Variants in CTNNA2 observed in about 807,000 individuals in gnomAD.
CTNNA2 encodes catenin alpha 2.
CTNNA2 carries 42 observed loss-of-function variants against 101.0 expected under a neutral mutation model. The observed-to-expected ratio is 0.42, with a 90% CI of 0.32 to 0.54. The LOEUF (loss-of-function observed/expected upper bound fraction) is 0.54. Ranked by LOEUF, CTNNA2 falls within the 20% of genes least tolerant of loss-of-function variation. The pLI is 0.14. For missense variants in CTNNA2, 871 were observed against 1,223.1 expected (o/e 0.71, Z 4.29); for synonymous variants, 450 against 456.4 (o/e 0.99, Z 0.18).
chr2:79,983,502 A>G (rs528440833), intron 7 of CTNNA2, among the ~76,000 whole-genome samples: 1 of 152,242 alleles, frequency 6.6e-6, no homozygotes, highest in Admixed American at 6.5e-5. Flanking sequence ...AGAACTTGGT[A>G]ATTAGAAGGA....
chr2:80,078,975 C>T (rs77426830), intron 7 of CTNNA2, among the ~76,000 whole-genome samples: 1 of 152,218 alleles, frequency 6.6e-6, no homozygotes, highest in African/African-American at 2.4e-5. Context: ...GTGATTTCCT[C>T]ATTGATGCAA....
In CTNNA2 at chr2:80,614,798, G is replaced by A. The variant is rs1698719104; in HGVS notation, c.2431-4287G>A. On this transcript the variant is annotated intron_variant, in intron 17 of 18. Transcript: ENST00000402739. ...GATCTGTAAGAGCAAATCCAAATACGTTCAATGTAATGTTTCCTTACATTG... is the reference window on the plus strand; with the variant it reads ...GATCTGTAAGAGCAAATCCAAATACATTCAATGTAATGTTTCCTTACATTG... 3.3e-5 allele frequency among the ~76,000 whole-genome samples: 5 copies of A among 151,428 alleles called. No homozygotes were observed. The South Asian group carries it at 8.3e-4, about 25-fold the overall frequency.
At chr2:79,338,575 A>ATATTCTTCTTCT (rs879675967) in intron 3 of CTNNA2, among the ~76,000 whole-genome samples, 7 of 115,520 alleles carry the variant, frequency 6.1e-5, no homozygotes, top group African/African-American at 2.4e-4. Context: ...CTTCCTCCTC[A>ATATTCTTCTTCT]TCATCTTCTT....
intron 1 of CTNNA2, among the ~76,000 whole-genome samples, chr2:79,519,978 A>G (rs1478453851): frequency 6.6e-6 from 1 of 152,220 alleles, no homozygotes; most frequent in Non-Finnish European, 1.5e-5. Context: ...GAAATTATAT[A>G]TGCTTTAAGG....
intron 1 of CTNNA2, among the ~76,000 whole-genome samples, chr2:79,593,093 T>A (rs1676966045): frequency 6.6e-6 from 1 of 152,202 alleles, no homozygotes; most frequent in Admixed American, 6.5e-5. Context: ...ATATATATAT[T>A]TTTACTTTTG....
chr2:79,763,889 C>A (rs1316102674), intron 3 of CTNNA2, among the ~76,000 whole-genome samples: 2 of 152,176 alleles, frequency 1.3e-5, no homozygotes, highest in East Asian at 3.9e-4. Flanking sequence ...ACGAAGTTAT[C>A]AAATGGATAT....
intron 3 of CTNNA2, among the ~76,000 whole-genome samples, chr2:79,323,436 C>T (rs1676669797): frequency 6.6e-6 from 1 of 151,728 alleles, no homozygotes; most frequent in South Asian, 2.1e-4. Flanking sequence ...GAGCTTATAA[C>T]AGTAAGTTTA....
At chr2:80,407,642 T>C (rs576909593) in intron 8 of CTNNA2, among the ~76,000 whole-genome samples, 28 of 152,292 alleles carry the variant, frequency 1.8e-4, no homozygotes, top group Middle Eastern at 3.4e-3. Flanking sequence ...AAGACAAATA[T>C]GGTGTAAGCA....
chr2:80,628,855 G>A (rs1047227803), intron 18 of CTNNA2, among the ~76,000 whole-genome samples: 1 of 152,036 alleles, frequency 6.6e-6, no homozygotes, highest in Admixed American at 6.6e-5. Context: ...GAAAAGCACT[G>A]GGAAGAGTTA....
intron 7 of CTNNA2, among the ~76,000 whole-genome samples, chr2:80,078,204 G>A (rs1345666488): frequency 6.6e-6 from 1 of 152,150 alleles, no homozygotes; most frequent in Non-Finnish European, 1.5e-5. Flanking sequence ...TGTAACCACA[G>A]AACGTTTGCA....
At chr2:80,357,414 G>A (rs185032197) in intron 7 of CTNNA2, among the ~76,000 whole-genome samples, 8 of 152,008 alleles carry the variant, frequency 5.3e-5, no homozygotes, top group Admixed American at 5.2e-4. Context: ...CATTCATAGT[G>A]CCCCTCCTTT....
chr2:79,586,308 C>T (rs1306199963), intron 1 of CTNNA2, among the ~76,000 whole-genome samples: 2 of 152,134 alleles, frequency 1.3e-5, no homozygotes, highest in Admixed American at 1.3e-4. Context: ...TCTGCCCTCC[C>T]TTCTTATTTA....
chr2:80,359,050 A>G (rs1400359051), intron 7 of CTNNA2, among the ~76,000 whole-genome samples: 1 of 151,840 alleles, frequency 6.6e-6, no homozygotes, highest in Non-Finnish European at 1.5e-5. Flanking sequence ...CTGTAGGCTC[A>G]CTAATGAAAA....
chr2:79,644,620 A>C (rs1035196093), intron 1 of CTNNA2, among the ~76,000 whole-genome samples: 5 of 151,846 alleles, frequency 3.3e-5, no homozygotes, highest in African/African-American at 1.2e-4. Context: ...CCAGCATCCT[A>C]CTCTCACCAT....
intron 7 of CTNNA2, among the ~76,000 whole-genome samples, chr2:79,919,154 A>G (rs1686478540): frequency 6.6e-6 from 1 of 152,160 alleles, no homozygotes; most frequent in African/African-American, 2.4e-5. Context: ...ATGGTAGCTG[A>G]GAGTGTCTGG....
intron 2 of CTNNA2, among the ~76,000 whole-genome samples, chr2:79,217,904 A>G (rs1026564881): frequency 6.6e-6 from 1 of 152,196 alleles, no homozygotes; most frequent in Admixed American, 6.5e-5. Flanking sequence ...TTCTTTAACT[A>G]GCTTGTGACA....
chr2:79,915,234 T>C (rs1180279814), intron 7 of CTNNA2, among the ~76,000 whole-genome samples: 9 of 152,010 alleles, frequency 5.9e-5, no homozygotes. Context: ...CCAAAATAAC[T>C]GCTAATAATT....
At chr2:80,635,626 T>C (rs989034595) in intron 18 of CTNNA2, among the ~76,000 whole-genome samples, 1 of 152,178 alleles carries the variant, frequency 6.6e-6, no homozygotes, top group East Asian at 1.9e-4. Context: ...ATTAATATAC[T>C]CTTAATTGGA....
intron 7 of CTNNA2, among the ~76,000 whole-genome samples, chr2:80,197,859 A>G (rs531892307): frequency 1.6e-4 from 25 of 152,294 alleles, no homozygotes; most frequent in African/African-American, 5.5e-4. Flanking sequence ...GCAGAGCCCA[A>G]GCATTCCCTA....
Sources: allele counts gnomAD v4.1 joint callset (sites outside exome capture counted in the v4.1 genomes callset), GRCh38; gene constraint gnomAD v4.1.1; transcripts MANE v1.5; gene names NCBI Gene and HGNC (gene_info 2026-07-23, HGNC 2026-07-21).